ARHGAP25: variants seen among roughly 807,000 people sequenced by gnomAD.
ARHGAP25 encodes Rho GTPase activating protein 25.
In ARHGAP25, 34 loss-of-function variants were observed where a neutral mutation model predicts 71.0. The ratio of observed to expected loss-of-function variants is 0.48; its 90% CI spans 0.36 to 0.64. The LOEUF (loss-of-function observed/expected upper bound fraction) is 0.64, where lower values mean the gene tolerates loss of function less well. Ranked by LOEUF, ARHGAP25 falls within the 30% of genes least tolerant of loss-of-function variation. The pLI is 0.00. For missense variants in ARHGAP25, 706 were observed against 805.1 expected, an observed-to-expected ratio of 0.88 and a Z score of 1.49; for synonymous variants, 282 against 296.5, an observed-to-expected ratio of 0.95 and a Z score of 0.50.
At chr2:68,735,838 G>C (rs979700809) in intron 1 of ARHGAP25, among the ~76,000 whole-genome samples, 1 of 152,172 alleles carries the variant, frequency 6.6e-6, no homozygotes, top group African/African-American at 2.4e-5. Flanking sequence ...AGTTGGAAAA[G>C]AGATGTATTT....
chr2:68,750,004 T>A (rs1308878967), intron 1 of ARHGAP25, among the ~76,000 whole-genome samples: 2 of 152,162 alleles, frequency 1.3e-5, no homozygotes, highest in Non-Finnish European at 2.9e-5. Context: ...CCTGGCCCTT[T>A]TTTAAATTTT....
chr2:68,776,684 G>A lies in ARHGAP25; in HGVS notation c.261+1264G>A, dbSNP rs150927347. Among the ~76,000 whole-genome samples, 854 of 152,262 alleles carry A rather than the reference G, an allele frequency of 5.6e-3. 33 individuals are homozygous for A. The highest frequency in any genetic ancestry group is 0.046 in the Admixed American group (703 of 15,302). On this transcript the variant is annotated intron_variant, in intron 2 of 10. Coordinates refer to ENST00000409202, the MANE Select transcript of ARHGAP25 (RefSeq NM_001007231.3). ...GAACAATTACGCCAGGACCCCAGGTGCAAACTGGATGTCTCAGGGCATCCA... is the reference window on the plus strand; with the variant it reads ...GAACAATTACGCCAGGACCCCAGGTACAAACTGGATGTCTCAGGGCATCCA...
At chr2:68,810,249 T>A (rs1462241211) in intron 5 of ARHGAP25, among the ~76,000 whole-genome samples, 2 of 152,064 alleles carry the variant, frequency 1.3e-5, no homozygotes, top group South Asian at 4.1e-4. Flanking sequence ...TTAGCCCTAG[T>A]ACAATGGGGT....
In ARHGAP25 at chr2:68,787,945, C is replaced by T. The variant is rs967912068; in HGVS notation, c.455C>T (p.Thr152Ile). The change falls in exon 4 of 11, where the codon ACA becomes ATA. Residue 152 changes from threonine (T) to isoleucine (I), a missense_variant. Thr to Ile is a moderately conservative substitution (Grantham distance 89, BLOSUM62 -1). Coordinates refer to ENST00000409202, the MANE Select transcript of ARHGAP25 (RefSeq NM_001007231.3). ...AAATTCCTCAGGAGAGTTGCTGGCA[C>T]ACCCTGTGGAGGTAAGGACCCCTGC... ...WVKFLRRVAG[T>I]PCGAVFGQRL... 4 of 1,614,100 alleles carry T rather than the reference C, an allele frequency of 2.5e-6. No individual in the cohort carries two copies. The highest frequency in any genetic ancestry group is 2.5e-6 in the Non-Finnish European group (3 of 1,179,932).
At chr2:68,716,396 G>A (rs1237509016) in intron 2 of ARHGAP25, among the ~76,000 whole-genome samples, 1 of 152,218 alleles carries the variant, frequency 6.6e-6, no homozygotes, top group East Asian at 1.9e-4. Context: ...ATACGCTAAT[G>A]CTATGGAAAT....
chr2:68,813,169 G>A, intron 5 of ARHGAP25, 118 bp from the exon 6 acceptor site: 1 of 1,247,614 alleles, frequency 8.0e-7, no homozygotes, highest in Non-Finnish European at 1.1e-6. Context: ...CTACTCCTCT[G>A]CAAAATTTCC....
At chr2:68,808,029 G>A (rs989505297) in intron 5 of ARHGAP25, among the ~76,000 whole-genome samples, 1 of 152,152 alleles carries the variant, frequency 6.6e-6, no homozygotes, top group African/African-American at 2.4e-5. Context: ...TGGCCGCCTG[G>A]CATTCCTAAG....
Position 68,822,913 on chromosome 2 carries a change from A to G in ARHGAP25, c.1733+41A>G, listed in dbSNP as rs536592355. ...GGGCACTGAGAGGCACTTGGCTTCC[A>G]TCTTTAGAGACAAGAGGGATTGTTC... On this transcript the variant is annotated intron_variant, in intron 10 of 10. Coordinates refer to ENST00000409202, the MANE Select transcript of ARHGAP25 (RefSeq NM_001007231.3). 1.2e-5 allele frequency: 18 copies of G among 1,538,890 alleles called. No homozygotes were observed. The South Asian group carries it at 1.6e-4, about 14-fold the overall frequency.
chr2:68,730,713 C>T (rs987211084), upstream of ARHGAP25, among the ~76,000 whole-genome samples: 4 of 152,098 alleles, frequency 2.6e-5, no homozygotes, highest in Middle Eastern at 3.4e-3. Context: ...GTGCATCAGA[C>T]CCTGGCCCCA....
At chr2:68,728,063 GC>G (rs1674925943) in intron 2 of ARHGAP25, among the ~76,000 whole-genome samples, 1 of 152,222 alleles carries the variant, frequency 6.6e-6, no homozygotes, top group Non-Finnish European at 1.5e-5. Flanking sequence ...TGGAAATAAG[GC>G]AAAAGTAGGA....
rs761286703 is a variant in ARHGAP25, at chr2:68,825,989, T to C, written c.1736T>C (p.Leu579Pro). Residue 579 changes from leucine to proline, a missense_variant and splice_region_variant, in exon 11 of 11, where the codon CTT (leucine) becomes CCT (proline). Leu to Pro is a moderately conservative substitution (Grantham distance 98). Coordinates refer to ENST00000409202, the MANE Select transcript of ARHGAP25 (RefSeq NM_001007231.3). ...KQMYEEQIKN[L>P]EKENYDVWAK... ...TTCTTTTCTTTCCTTCCTTGTAGCC[T>C]TGAGAAGGAAAATTATGACGTTTGG... The C allele has an allele frequency of 2.5e-6, 4 of 1,611,042 alleles. No homozygotes were observed. Among genetic ancestry groups the C allele is most frequent in the Non-Finnish European group, 3.4e-6 (4 of 1,178,438 alleles).
intron 2 of ARHGAP25, among the ~76,000 whole-genome samples, chr2:68,727,271 T>C (rs1674908043): frequency 6.6e-6 from 1 of 152,194 alleles, no homozygotes; most frequent in Non-Finnish European, 1.5e-5. Context: ...GAAATGTGTT[T>C]CCTCCCAATC....
intron 1 of ARHGAP25, among the ~76,000 whole-genome samples, chr2:68,735,779 T>A (rs78199134): frequency 8.1e-4 from 124 of 152,302 alleles, no homozygotes; most frequent in African/African-American, 2.9e-3. Flanking sequence ...AAGACCTTAC[T>A]TAATAAAAAT....
chr2:68,713,822 C>A (rs1463142498), intron 2 of ARHGAP25, among the ~76,000 whole-genome samples: 1 of 151,948 alleles, frequency 6.6e-6, no homozygotes, highest in Non-Finnish European at 1.5e-5. Flanking sequence ...GATGTTGAAC[C>A]CAGGAATGAA....
intron 1 of ARHGAP25, among the ~76,000 whole-genome samples, chr2:68,737,140 G>C (rs1251045063): frequency 1.3e-5 from 2 of 152,146 alleles, no homozygotes; most frequent in Non-Finnish European, 2.9e-5. Flanking sequence ...TGAAGGACTG[G>C]ACTACAGTAG....
intron 1 of ARHGAP25, among the ~76,000 whole-genome samples, chr2:68,750,459 A>G (rs1392577692): frequency 6.6e-6 from 1 of 151,880 alleles, no homozygotes; most frequent in Non-Finnish European, 1.5e-5. Flanking sequence ...AGTAGCTGGG[A>G]CTACAGGCAC....
intron 5 of ARHGAP25, 26 bp downstream of exon 5, chr2:68,807,506 A>G (rs1248012944): frequency 6.2e-6 from 10 of 1,604,806 alleles, no homozygotes; most frequent in African/African-American, 2.7e-5. Context: ...GCAGTGTCCC[A>G]CCTCTGCCCT....
intron 4 of ARHGAP25, among the ~76,000 whole-genome samples, chr2:68,792,623 C>A (rs1277271656): frequency 6.6e-6 from 1 of 152,160 alleles, no homozygotes; most frequent in Non-Finnish European, 1.5e-5. Context: ...TTTGGCTGAA[C>A]AGTAAGTATA....
chr2:68,725,115 C>A (rs978572679), intron 2 of ARHGAP25, among the ~76,000 whole-genome samples: 1 of 152,138 alleles, frequency 6.6e-6, no homozygotes, highest in African/African-American at 2.4e-5. Flanking sequence ...GACTCCAGCC[C>A]CACCTATCCA....
Sources: allele counts gnomAD v4.1 joint callset (sites outside exome capture counted in the v4.1 genomes callset), GRCh38; gene constraint gnomAD v4.1.1; transcripts MANE v1.5; gene names NCBI Gene and HGNC (gene_info 2026-07-23, HGNC 2026-07-21).